Variants in ADAMTSL1 observed in about 807,000 individuals in gnomAD.
ADAMTSL1 encodes ADAMTS-like protein 1.
Under a neutral mutation model 201.8 loss-of-function variants are expected in ADAMTSL1, and 126 were observed. That is an observed-to-expected ratio of 0.62 (90% CI 0.54 to 0.72). ADAMTSL1 has a LOEUF of 0.72. Ranked by LOEUF, ADAMTSL1 falls within the 30% of genes least tolerant of loss-of-function variation. The probability of loss-of-function intolerance (pLI) is 0.00; values close to 1 mark genes in which losing one functional copy is unlikely to be tolerated. For missense variants in ADAMTSL1, 2,679 were observed against 2,277.8 expected (o/e 1.18, Z -3.59); for synonymous variants, 1,121 against 903.4 (o/e 1.24, Z -4.32).
intron 1 of ADAMTSL1, among the ~76,000 whole-genome samples, chr9:18,116,507 T>C (rs1283039702): frequency 6.6e-6 from 1 of 152,156 alleles, no homozygotes; most frequent in Non-Finnish European, 1.5e-5. Flanking sequence ...GATTGGCACA[T>C]TGCTTGTAAT....
At chr9:18,721,415 A>G in intron 14 of ADAMTSL1, 121 bp from the exon 15 acceptor site, 1 of 1,373,266 alleles carries the variant, frequency 7.3e-7, no homozygotes, top group Non-Finnish European at 9.9e-7. Flanking sequence ...GCCATCTCTG[A>G]CATACAGCGA....
intron 23 of ADAMTSL1, among the ~76,000 whole-genome samples, chr9:18,878,276 C>T (rs1828298648): frequency 6.6e-6 from 1 of 152,248 alleles, no homozygotes; most frequent in Non-Finnish European, 1.5e-5. Flanking sequence ...TATCTGCACT[C>T]CCTGTTAACC....
At chr9:18,276,265 G>A (rs1444765858) in intron 2 of ADAMTSL1, among the ~76,000 whole-genome samples, 3 of 151,922 alleles carry the variant, frequency 2.0e-5, no homozygotes, top group African/African-American at 4.8e-5. Flanking sequence ...TCAGATATAT[G>A]TTTAGCAAAT....
intron 1 of ADAMTSL1, among the ~76,000 whole-genome samples, chr9:17,999,306 C>G (rs562327132): frequency 1.3e-5 from 2 of 151,660 alleles, no homozygotes; most frequent in Admixed American, 1.3e-4. Flanking sequence ...ACTGGTGAAG[C>G]CTATCACAGA....
At chr9:18,801,443 C>T (rs1169429050) in intron 20 of ADAMTSL1, among the ~76,000 whole-genome samples, 1 of 152,116 alleles carries the variant, frequency 6.6e-6, no homozygotes, top group Admixed American at 6.5e-5. Context: ...ACTCATGTCA[C>T]AGGGATTTGT....
At chr9:18,082,146 AT>A (rs991345423) in intron 1 of ADAMTSL1, among the ~76,000 whole-genome samples, 5 of 152,156 alleles carry the variant, frequency 3.3e-5, no homozygotes, top group Non-Finnish European at 5.9e-5. Context: ...TTGTATTCAC[AT>A]TTTTTTGGAC....
At chr9:18,663,319 T>C (rs1829224366) in intron 9 of ADAMTSL1, among the ~76,000 whole-genome samples, 1 of 152,124 alleles carries the variant, frequency 6.6e-6, no homozygotes, top group South Asian at 2.1e-4. Flanking sequence ...AATAGATATT[T>C]TATAATTGTA....
chr9:18,243,156 T>C (rs1266209711), intron 2 of ADAMTSL1, among the ~76,000 whole-genome samples: 1 of 152,090 alleles, frequency 6.6e-6, no homozygotes, highest in African/African-American at 2.4e-5. Flanking sequence ...TGGAACACAA[T>C]AGAGTCCAGA....
At chr9:18,068,227 G>T (rs1040862266) in intron 1 of ADAMTSL1, among the ~76,000 whole-genome samples, 2 of 151,994 alleles carry the variant, frequency 1.3e-5, no homozygotes, top group African/African-American at 2.4e-5. Flanking sequence ...AGTGCAGTTG[G>T]CCCTCCATAT....
At chr9:18,125,932 G>A (rs1825710988) in intron 1 of ADAMTSL1, among the ~76,000 whole-genome samples, 1 of 152,148 alleles carries the variant, frequency 6.6e-6, no homozygotes, top group African/African-American at 2.4e-5. Flanking sequence ...TTGGAATCCA[G>A]TTCTACTTCT....
At chr9:17,943,248 G>A (rs1411591178) in intron 1 of ADAMTSL1, among the ~76,000 whole-genome samples, 1 of 152,020 alleles carries the variant, frequency 6.6e-6, no homozygotes, top group Non-Finnish European at 1.5e-5. Context: ...AGCCTGCAAT[G>A]TACTTAAGAG....
intron 1 of ADAMTSL1, among the ~76,000 whole-genome samples, chr9:18,033,425 G>C (rs1459896528): frequency 6.6e-6 from 1 of 152,156 alleles, no homozygotes; most frequent in African/African-American, 2.4e-5. Context: ...TTACTAAGTT[G>C]CTGTAAATGT....
chr9:18,611,818 C>T lies in ADAMTSL1; in HGVS notation c.475-10425C>T, dbSNP rs191945320. Among the ~76,000 whole-genome samples, 12 of 152,314 alleles carry T rather than the reference C, an allele frequency of 7.9e-5. No homozygotes were observed. In the East Asian group the frequency reaches 1.5e-3, roughly 20 times the overall value. ...GCAAAAGTTTATTCCTATGAAACCA[C>T]GTCCTCCTCTATAATTTAACCACAG... On this transcript the variant is annotated intron_variant, in intron 4 of 28. Coordinates refer to ENST00000380548, the MANE Select transcript of ADAMTSL1 (RefSeq NM_001040272.6).
intron 2 of ADAMTSL1, among the ~76,000 whole-genome samples, chr9:18,398,055 G>C (rs1442514341): frequency 6.6e-6 from 1 of 152,184 alleles, no homozygotes; most frequent in Non-Finnish European, 1.5e-5. Context: ...AAATGACACT[G>C]AAAGTACATT....
intron 23 of ADAMTSL1, among the ~76,000 whole-genome samples, chr9:18,861,198 A>G (rs1461330800): frequency 1.3e-5 from 2 of 152,206 alleles, no homozygotes; most frequent in Non-Finnish European, 2.9e-5. Flanking sequence ...CCCTCTTTTG[A>G]TACACATTTC....
At chr9:17,968,083 A>AATCTTC (rs1393079054) in intron 1 of ADAMTSL1, among the ~76,000 whole-genome samples, 1 of 152,124 alleles carries the variant, frequency 6.6e-6, no homozygotes, top group East Asian at 1.9e-4. Flanking sequence ...TTCGAGGAAG[A>AATCTTC]ATCTTCACTT....
chr9:18,289,135 G>GTCTGTCTATCTA (rs550482613), intron 2 of ADAMTSL1, among the ~76,000 whole-genome samples: 1 of 145,214 alleles, frequency 6.9e-6, no homozygotes, highest in African/African-American at 2.7e-5. Flanking sequence ...ATATATGTCT[G>GTCTGTCTATCTA]TCTATCTATC....
chr9:18,328,165 G>T (rs1834897839), intron 2 of ADAMTSL1, among the ~76,000 whole-genome samples: 1 of 152,186 alleles, frequency 6.6e-6, no homozygotes. Context: ...TGCACAAAGT[G>T]CTTGCCTGGG....
chr9:18,710,018 T>C (rs1439529033), intron 14 of ADAMTSL1, among the ~76,000 whole-genome samples: 1 of 152,210 alleles, frequency 6.6e-6, no homozygotes, highest in Non-Finnish European at 1.5e-5. Context: ...TTAGCTCTTT[T>C]GGAAAGAGCA....
Sources: allele counts gnomAD v4.1 joint callset (sites outside exome capture counted in the v4.1 genomes callset), GRCh38; gene constraint gnomAD v4.1.1; transcripts MANE v1.5; gene names NCBI Gene and HGNC (gene_info 2026-07-23, HGNC 2026-07-21).